Variants in RNF150 observed in about 807,000 individuals in gnomAD.
RNF150 encodes the protein ring finger protein 150.
In RNF150, 24 loss-of-function variants were observed where a neutral mutation model predicts 39.3. The ratio of observed to expected loss-of-function variants is 0.61; its 90% CI spans 0.44 to 0.86. The LOEUF is 0.86. Among genes scored for constraint, RNF150 ranks in the 40% least tolerant of loss-of-function variants. RNF150 has a pLI of 0.00. For missense variants in RNF150, 502 were observed against 587.8 expected (o/e 0.85, Z 1.51); for synonymous variants, 255 against 227.3 (o/e 1.12, Z -1.10).
At chr4:140,962,111 C>A (rs1579007544) in intron 2 of RNF150, among the ~76,000 whole-genome samples, 1 of 150,750 alleles carries the variant, frequency 6.6e-6, no homozygotes, top group African/African-American at 2.4e-5. Flanking sequence ...CACGCGCGCA[C>A]ACACACACAC....
At chr4:141,135,282 G>A (rs1033275869), upstream of RNF150, among the ~76,000 whole-genome samples, 2 of 152,198 alleles carry the variant, frequency 1.3e-5, no homozygotes, top group Admixed American at 6.5e-5. Flanking sequence ...CCATTCAGAG[G>A]CCAAAAGCAA....
chr4:141,005,348 G>A (rs887021314), intron 1 of RNF150, among the ~76,000 whole-genome samples: 1 of 152,146 alleles, frequency 6.6e-6, no homozygotes, highest in Non-Finnish European at 1.5e-5. Context: ...GGTTGAACAG[G>A]CAAATGGAAT....
chr4:141,191,356 C>G (rs354930), intron 1 of RNF150, among the ~76,000 whole-genome samples: 142,721 of 152,244 alleles, frequency 0.94, 67,536 homozygotes, highest in Non-Finnish European at 1. Context: ...GTTTGGGTGT[C>G]CCACCTCAAT....
In RNF150 at chr4:140,862,234, C is replaced by A. The variant is rs886542085; in HGVS notation, c.*6027G>T. ...CCTCACTGTGTTCAGACATTGCAGA[C>A]CTCTTAATAGACGTGTATATTTTTG... On this transcript the variant is annotated 3_prime_UTR_variant, in exon 7 of 7. Transcript: ENST00000515673. 6.6e-6 allele frequency: 1 copy of A among 152,166 alleles called. No individual in the cohort carries two copies. The highest frequency in any genetic ancestry group is 1.5e-5 in the Non-Finnish European group (1 of 68,028). 9.4% of individuals were successfully genotyped at this position (152,166 alleles called of 1,614,324 possible).
intron 1 of RNF150, among the ~76,000 whole-genome samples, chr4:141,147,929 A>G (rs1392328888): frequency 6.6e-6 from 1 of 152,224 alleles, no homozygotes; most frequent in Non-Finnish European, 1.5e-5. Context: ...TTCTCCCAGG[A>G]GTTGAATAAA....
chr4:141,119,778 C>T (rs1157847652), intron 1 of RNF150, among the ~76,000 whole-genome samples: 1 of 152,190 alleles, frequency 6.6e-6, no homozygotes, highest in Non-Finnish European at 1.5e-5. Flanking sequence ...TCTCTATTCT[C>T]AGCAGCTGGT....
chr4:140,915,835 G>A (rs1051455977), intron 5 of RNF150, among the ~76,000 whole-genome samples: 11 of 152,184 alleles, frequency 7.2e-5, no homozygotes, highest in Middle Eastern at 6.8e-3. Context: ...CCGGGTACTC[G>A]TCTGAGACAA....
At chr4:140,952,040 G>A (rs377590064) in intron 2 of RNF150, among the ~76,000 whole-genome samples, 247 of 151,914 alleles carry the variant, frequency 1.6e-3, no homozygotes, top group South Asian at 0.014. Flanking sequence ...ATGGAGTCTC[G>A]TACTGTCTAC....
chr4:140,948,130 AT>A (rs1186586991), intron 3 of RNF150, among the ~76,000 whole-genome samples: 2 of 152,140 alleles, frequency 1.3e-5, no homozygotes, highest in Non-Finnish European at 2.9e-5. Flanking sequence ...GGTAGTTCCA[AT>A]TTTTTTCAAG....
intron 5 of RNF150, among the ~76,000 whole-genome samples, chr4:140,913,622 G>A (rs1334297783): frequency 6.6e-6 from 1 of 152,182 alleles, no homozygotes; most frequent in Admixed American, 6.5e-5. Flanking sequence ...GCTCCTGCAA[G>A]CACTTCATAA....
chr4:140,870,446 TTGTGCGTGTA>T (rs1415614097), intron 6 of RNF150, among the ~76,000 whole-genome samples: 2 of 139,564 alleles, frequency 1.4e-5, no homozygotes, highest in Admixed American at 7.0e-5. Flanking sequence ...CATCTTCATT[TTGTGCGTGTA>T]TGTGTGTGTG....
chr4:141,063,463 G>A (rs957472234), intron 1 of RNF150, among the ~76,000 whole-genome samples: 6 of 152,050 alleles, frequency 3.9e-5, no homozygotes, highest in Non-Finnish European at 5.9e-5. Flanking sequence ...ATATCTTTAT[G>A]GTAAAGCTAC....
intron 4 of RNF150, among the ~76,000 whole-genome samples, chr4:140,931,397 C>T (rs1415838142): frequency 6.6e-6 from 1 of 152,164 alleles, no homozygotes; most frequent in Non-Finnish European, 1.5e-5. Flanking sequence ...GCATATTGAT[C>T]ATCAAATATG....
At chr4:140,923,136 A>G (rs1364546208) in intron 5 of RNF150, among the ~76,000 whole-genome samples, 1 of 151,822 alleles carries the variant, frequency 6.6e-6, no homozygotes, top group Non-Finnish European at 1.5e-5. Flanking sequence ...TAATTAAACT[A>G]AGGACCTTCT....
At chr4:141,176,241 C>T (rs762630097) in intron 1 of RNF150, among the ~76,000 whole-genome samples, 9 of 152,188 alleles carry the variant, frequency 5.9e-5, no homozygotes, top group African/African-American at 1.7e-4. Context: ...CATGAGGGGT[C>T]CAACCTTATG....
chr4:141,188,059 C>T (rs1728044033), intron 1 of RNF150, among the ~76,000 whole-genome samples: 1 of 152,170 alleles, frequency 6.6e-6, no homozygotes, highest in African/African-American at 2.4e-5. Context: ...CAAAATCCCT[C>T]AGCATTTGCT....
intron 6 of RNF150, among the ~76,000 whole-genome samples, chr4:140,892,742 G>A (rs1414254773): frequency 1.3e-5 from 2 of 152,154 alleles, no homozygotes; most frequent in Non-Finnish European, 2.9e-5. Context: ...GGGGAGGGAT[G>A]TAGCCAAACT....
At chr4:141,036,229 G>A (rs1490996063) in intron 1 of RNF150, among the ~76,000 whole-genome samples, 3 of 152,086 alleles carry the variant, frequency 2.0e-5, no homozygotes, top group Non-Finnish European at 4.4e-5. Flanking sequence ...TGCCTGTCTT[G>A]TTCATTGCTG....
Position 141,000,148 on chromosome 4 carries a change from G to T in RNF150, c.485-32275C>A, listed in dbSNP as rs78271897. On this transcript the variant is annotated intron_variant, in intron 1 of 6. Transcript: ENST00000515673. ...AAGAAGAAAACATTTCCATCATATT[G>T]GTTCCTAGCAAAGCTAAAGAAAGAG... 1.1e-4 allele frequency among the ~76,000 whole-genome samples: 14 copies of T among 129,392 alleles called. 1 individual carries two copies. Among genetic ancestry groups the T allele is most frequent in the South Asian group, 2.4e-4 (1 of 4,082 alleles). 84.9% of individuals were successfully genotyped at this position (129,392 alleles called of 152,430 possible).
Sources: gnomAD v4.1 joint callset for allele counts (sites outside exome capture counted in the v4.1 genomes callset) on GRCh38, gnomAD v4.1.1 for gene constraint, MANE v1.5 for transcripts, NCBI Gene and HGNC (gene_info 2026-07-23, HGNC 2026-07-21) for gene names.